The following AGPAT2 variants were observed in gnomAD, a reference collection of about 807,000 sequenced individuals.
AGPAT2 encodes 1-acylglycerol-3-phosphate O-acyltransferase 2, also known as 1-acyl-sn-glycerol-3-phosphate acyltransferase beta.
AGPAT2 carries 18 observed loss-of-function variants against 26.1 expected under a neutral mutation model. The ratio of observed to expected loss-of-function variants is 0.69; its 90% confidence interval spans 0.48 to 1.02. The LOEUF (loss-of-function observed/expected upper bound fraction) is 1.02. Among genes scored for constraint, AGPAT2 ranks in the 50% least tolerant of loss-of-function variants. The pLI, the probability that AGPAT2 is intolerant of heterozygous loss-of-function variation, is 0.00. For missense variants in AGPAT2, 415 were observed against 394.9 expected, an observed-to-expected ratio of 1.05 and a Z score of -0.43; for synonymous variants, 200 against 174.2, an observed-to-expected ratio of 1.15 and a Z score of -1.16.
chr9:136,686,327 A>G (rs1488314752), intron 1 of AGPAT2, among the ~76,000 whole-genome samples: 1 of 152,214 alleles, frequency 6.6e-6, no homozygotes, highest in Non-Finnish European at 1.5e-5. Flanking sequence ...GCAGGGAGAA[A>G]TGTAGCAACA....
At chr9:136,679,755 C>T (rs1049081591) in intron 1 of AGPAT2, among the ~76,000 whole-genome samples, 3 of 152,208 alleles carry the variant, frequency 2.0e-5, no homozygotes, top group African/African-American at 7.2e-5. Context: ...GATTAAAACG[C>T]CTGATAACAG....
At position 136,677,205 on chromosome 9, in the gene AGPAT2, C is replaced by A. The variant is rs17848854; in HGVS notation, c.317-69G>T. 515 of 1,576,078 alleles carry A rather than the reference C, an allele frequency of 3.3e-4. 5 individuals are homozygous for A. The East Asian group carries it at 0.012, about 35-fold the overall frequency. ...CGTGCGCTGGAAGACAGCTGCTGAG[C>A]ACCCACAGGCCTGCCTGGCACCCTG... On this transcript the variant is annotated intron_variant, in intron 2 of 5. Transcript: ENST00000371696.
intron 4 of AGPAT2, 92 bp from the exon 5 acceptor site, chr9:136,674,899 C>A: frequency 1.1e-6 from 1 of 870,280 alleles, no homozygotes; most frequent in East Asian, 3.1e-5. Context: ...TGTCCTGCGG[C>A]CCACCCACCC....
intron 1 of AGPAT2, among the ~76,000 whole-genome samples, chr9:136,678,206 G>A (rs1408709546): frequency 6.6e-6 from 1 of 152,208 alleles, no homozygotes; most frequent in Non-Finnish European, 1.5e-5. Context: ...ACCAGGAGCA[G>A]CAGCAGAGCC....
chr9:136,678,141 G>A lies in AGPAT2; in HGVS notation c.183-585C>T, dbSNP rs144863690. Among the ~76,000 whole-genome samples, 487 of 152,284 alleles carry A rather than the reference G, an allele frequency of 3.2e-3. 2 individuals carry two copies. Among genetic ancestry groups the A allele is most frequent in the African/African-American group, 0.011 (466 of 41,554 alleles). ...CACCCCTACCCTACAGAATCAGGCC[G>A]GTTCCCTTTCCCCGTGAAGAGGCGG... On this transcript the variant is annotated intron_variant, in intron 1 of 5. Transcript: ENST00000371696.
intron 2 of AGPAT2, 36 bp downstream of exon 2, chr9:136,677,387 T>G: frequency 6.2e-7 from 1 of 1,612,174 alleles, no homozygotes; most frequent in Non-Finnish European, 8.5e-7. Context: ...CCGGCCCCAC[T>G]CAAACCCCAG....
intron 1 of AGPAT2, among the ~76,000 whole-genome samples, chr9:136,681,293 C>G (rs1290136783): frequency 2.0e-5 from 3 of 152,174 alleles, no homozygotes; most frequent in Non-Finnish European, 4.4e-5. Context: ...TGCCCCAGGC[C>G]AGCGGGAGGC....
At chr9:136,675,718 C>T (rs1474286926) in intron 4 of AGPAT2, among the ~76,000 whole-genome samples, 6 of 152,332 alleles carry the variant, frequency 3.9e-5, no homozygotes, top group Admixed American at 3.9e-4. Context: ...CACTCTGCCC[C>T]CAAAGGGAAG....
At chr9:136,677,370 A>G (rs1846105807) in intron 2 of AGPAT2, 53 bp downstream of exon 2, 1 of 1,611,690 alleles carries the variant, frequency 6.2e-7, no homozygotes, top group Non-Finnish European at 8.5e-7. Flanking sequence ...ACACAGCCCC[A>G]GCTCAGCCGG....
intron 1 of AGPAT2, among the ~76,000 whole-genome samples, chr9:136,686,836 GC>G (rs1846227279): frequency 6.6e-6 from 1 of 152,260 alleles, no homozygotes; most frequent in Non-Finnish European, 1.5e-5. Context: ...CTCTCCCAGC[GC>G]GGACCGGCCC....
chr9:136,673,883 G>T lies in AGPAT2; in HGVS notation c.706C>A (p.Leu236Ile). Reference sequence around the variant, plus strand: ...AGCGCAGGGACGTCCGCCGCAGTGAGGCCGCTGGTGGGGATGGCTTCCAGC... The same window carrying T: ...AGCGCAGGGACGTCCGCCGCAGTGATGCCGCTGGTGGGGATGGCTTCCAGC... ...QVLEAIPTSGLTAADVPALVD... is the reference protein window; with the variant it reads ...QVLEAIPTSGITAADVPALVD... The change falls in exon 6 of 6, where the codon CTC becomes ATC. Residue 236 changes from leucine to isoleucine, a missense_variant. Leu to Ile is a conservative substitution (Grantham distance 5, BLOSUM62 2). Coordinates refer to ENST00000371696, the MANE Select transcript of AGPAT2 (RefSeq NM_006412.4). 6.2e-7 allele frequency: 1 copy of T among 1,601,388 alleles called. No individual in the cohort carries two copies. The highest frequency in any genetic ancestry group is 8.5e-7 in the Non-Finnish European group (1 of 1,175,206).
intron 1 of AGPAT2, among the ~76,000 whole-genome samples, chr9:136,679,127 A>C (rs1267323921): frequency 6.6e-6 from 1 of 152,196 alleles, no homozygotes; most frequent in East Asian, 1.9e-4. Flanking sequence ...TGCACAGTTC[A>C]TGGGCGCTGG....
At chr9:136,682,922 A>G (rs1588267806) in intron 1 of AGPAT2, among the ~76,000 whole-genome samples, 2 of 152,192 alleles carry the variant, frequency 1.3e-5, no homozygotes, top group East Asian at 3.9e-4. Context: ...CTTCCCAGCT[A>G]TGGCCTCGGG....
rs1006794896 is a variant in AGPAT2 at position 136,677,635 on chromosome 9, T to G, written c.183-79A>C. ...GGGGCGCGAAGGCCTGGGGGTGGGG[T>G]GTGGAGGAGGCTGGGGAGGGGCCCT... On this transcript the variant is annotated intron_variant, in intron 1 of 5. Coordinates refer to ENST00000371696, the MANE Select transcript of AGPAT2 (RefSeq NM_006412.4). 2.1e-5 allele frequency: 33 copies of G among 1,555,178 alleles called. No homozygotes were observed. The African/African-American group carries it at 4.1e-4, about 19-fold the overall frequency.
At chr9:136,684,991 C>A (rs950416667) in intron 1 of AGPAT2, among the ~76,000 whole-genome samples, 1 of 152,172 alleles carries the variant, frequency 6.6e-6, no homozygotes, top group East Asian at 1.9e-4. Context: ...AGGGAACGCA[C>A]GTTCGCAACA....
At chr9:136,679,931 G>C (rs1846139462) in intron 1 of AGPAT2, among the ~76,000 whole-genome samples, 1 of 152,242 alleles carries the variant, frequency 6.6e-6, no homozygotes, top group South Asian at 2.1e-4. Context: ...CCGACGGCTG[G>C]AGTGAGAAGC....
intron 4 of AGPAT2, among the ~76,000 whole-genome samples, chr9:136,675,328 C>A: frequency 7.3e-6 from 1 of 136,756 alleles, no homozygotes; most frequent in Non-Finnish European, 1.6e-5. Context: ...AGGGGGCCAG[C>A]AGGTAGGCTG....
At position 136,674,819 on chromosome 9, in the gene AGPAT2, G is replaced by A. The variant is rs776656678; in HGVS notation, c.589-12C>T. 20 of 1,542,946 alleles carry A rather than the reference G, an allele frequency of 1.3e-5. No individual in the cohort carries two copies. Among genetic ancestry groups the A allele is most frequent in the Admixed American group, 1.9e-5 (1 of 51,818 alleles). On this transcript the variant is annotated splice_polypyrimidine_tract_variant and intron_variant, in intron 4 of 5. Transcript: ENST00000371696. The stretch of plus-strand genomic sequence containing the variant: ...GGGACGATGGGCACCTGCAGGCAGG[G>A]AGACGCACAGCTGAGGCAGCCCTGG...
chr9:136,684,546 T>C (rs1490348191), intron 1 of AGPAT2, among the ~76,000 whole-genome samples: 2 of 150,864 alleles, frequency 1.3e-5, no homozygotes, highest in Admixed American at 6.6e-5. Context: ...GGGTGCCGCC[T>C]GGAACCCCGT....
Sources: gnomAD v4.1 joint callset for allele counts (sites outside exome capture counted in the v4.1 genomes callset) on GRCh38, gnomAD v4.1.1 for gene constraint, MANE v1.5 for transcripts, NCBI Gene and HGNC (gene_info 2026-07-23, HGNC 2026-07-21) for gene names.